The following SLC9A9 variants were observed in gnomAD, a reference collection of about 807,000 sequenced individuals.
The protein encoded by SLC9A9 is solute carrier family 9 member A9.
In SLC9A9, 62 loss-of-function variants were observed where a neutral mutation model predicts 77.8. The ratio of observed to expected loss-of-function variants is 0.80; its 90% CI spans 0.65 to 0.98. The LOEUF is 0.98. SLC9A9 is among the 50% of genes least tolerant of loss of function. The probability of loss-of-function intolerance (pLI) is 0.00; values close to 1 mark genes in which losing one functional copy is unlikely to be tolerated. For missense variants in SLC9A9, 775 were observed against 774.9 expected (o/e 1.00, Z 0.00); for synonymous variants, 320 against 283.5 (o/e 1.13, Z -1.29).
chr3:143,402,721 TC>T, intron 12 of SLC9A9, among the ~76,000 whole-genome samples: 1 of 151,672 alleles, frequency 6.6e-6, no homozygotes, highest in Admixed American at 6.6e-5. Flanking sequence ...CCATCCCCTT[TC>T]CCTTCAGGAT....
At chr3:143,658,212 C>T (rs528133403) in intron 5 of SLC9A9, among the ~76,000 whole-genome samples, 5 of 152,292 alleles carry the variant, frequency 3.3e-5, no homozygotes, top group Non-Finnish European at 7.4e-5. Context: ...AGCAAAAACT[C>T]TTTGGAGTCT....
At chr3:143,462,423 T>A (rs568093152) in intron 12 of SLC9A9, among the ~76,000 whole-genome samples, 1 of 152,328 alleles carries the variant, frequency 6.6e-6, no homozygotes, top group East Asian at 1.9e-4. Context: ...TTACTCACTC[T>A]GCAATAGACG....
intron 9 of SLC9A9, chr3:143,518,305 C>T (rs2036238490): frequency 1.1e-6 from 1 of 916,068 alleles, no homozygotes; most frequent in Non-Finnish European, 1.7e-6. Flanking sequence ...CGTGACCACG[C>T]AGAAAGGGCT....
Position 143,279,933 on chromosome 3 carries a change from C to G in SLC9A9, c.1605-10953G>C, listed in dbSNP as rs908280951. ...CTCCTGAGCTCAAGCAATCCTCCCC[C>G]CTCAGCCTCTCGAGTAGCTGGGACT... is the stretch of plus-strand genomic sequence containing the variant. On this transcript the variant is annotated intron_variant, in intron 14 of 15. Transcript: ENST00000316549. Among the ~76,000 whole-genome samples, 8 of 152,190 alleles carry G rather than the reference C, an allele frequency of 5.3e-5. No homozygotes were observed. The East Asian group carries it at 5.8e-4, about 11-fold the overall frequency.
At chr3:143,839,923 T>C (rs2009665298) in intron 1 of SLC9A9, among the ~76,000 whole-genome samples, 1 of 152,212 alleles carries the variant, frequency 6.6e-6, no homozygotes, top group Non-Finnish European at 1.5e-5. Flanking sequence ...AAGGACTCTT[T>C]AGTAAAGGGA....
At chr3:143,694,719 C>T (rs555386782) in intron 4 of SLC9A9, among the ~76,000 whole-genome samples, 7 of 152,244 alleles carry the variant, frequency 4.6e-5, no homozygotes, top group Middle Eastern at 3.4e-3. Flanking sequence ...TGGCTTTTAA[C>T]CATCACACTG....
chr3:143,835,090 A>G (rs141244195), intron 1 of SLC9A9, among the ~76,000 whole-genome samples: 18 of 152,280 alleles, frequency 1.2e-4, no homozygotes, highest in Admixed American at 2.6e-4. Flanking sequence ...CTAGAATTGC[A>G]CCACAGCCTA....
At chr3:143,536,461 A>C (rs2036589792) in intron 9 of SLC9A9, among the ~76,000 whole-genome samples, 1 of 152,256 alleles carries the variant, frequency 6.6e-6, no homozygotes, top group African/African-American at 2.4e-5. Flanking sequence ...GTATTTTACT[A>C]AGTTTAAAAT....
At chr3:143,649,804 G>T (rs1052748729) in intron 6 of SLC9A9, among the ~76,000 whole-genome samples, 4 of 152,092 alleles carry the variant, frequency 2.6e-5, no homozygotes, top group African/African-American at 9.7e-5. Flanking sequence ...ACATCAAAAT[G>T]GAAAACTTTT....
chr3:143,777,034 T>A (rs1174935406), intron 4 of SLC9A9, among the ~76,000 whole-genome samples: 1 of 152,160 alleles, frequency 6.6e-6, no homozygotes, highest in Non-Finnish European at 1.5e-5. Flanking sequence ...GATATGTTAA[T>A]TTGGATCTTA....
At chr3:143,338,466 C>A (rs547970748) in intron 14 of SLC9A9, among the ~76,000 whole-genome samples, 3 of 152,096 alleles carry the variant, frequency 2.0e-5, no homozygotes, top group African/African-American at 4.8e-5. Flanking sequence ...AAGCAGTAAG[C>A]GAGAGAGCTA....
intron 12 of SLC9A9, among the ~76,000 whole-genome samples, chr3:143,420,619 T>C (rs150233471): frequency 4.9e-4 from 75 of 152,346 alleles, no homozygotes; most frequent in African/African-American, 1.6e-3. Context: ...ATTATTATTA[T>C]GTAATATTCT....
At chr3:143,637,497 C>T (rs1254776289) in intron 6 of SLC9A9, among the ~76,000 whole-genome samples, 8 of 152,068 alleles carry the variant, frequency 5.3e-5, no homozygotes, top group Non-Finnish European at 1.0e-4. Context: ...TTTTGAATTT[C>T]TATGATTTAT....
chr3:143,588,489 TG>T (rs2037593266), intron 6 of SLC9A9, among the ~76,000 whole-genome samples: 1 of 152,244 alleles, frequency 6.6e-6, no homozygotes, highest in East Asian at 1.9e-4. Flanking sequence ...TAAGTGGCTC[TG>T]GTCCATTAAG....
chr3:143,292,546 C>T (rs1164608978), intron 14 of SLC9A9, among the ~76,000 whole-genome samples: 1 of 152,082 alleles, frequency 6.6e-6, no homozygotes, highest in African/African-American at 2.4e-5. Flanking sequence ...GTCCTCTACT[C>T]TCCTGTGTTT....
chr3:143,813,216 G>T (rs1156829212), intron 2 of SLC9A9, among the ~76,000 whole-genome samples: 1 of 152,104 alleles, frequency 6.6e-6, no homozygotes, highest in Non-Finnish European at 1.5e-5. Context: ...GGTCAATGAG[G>T]CTAAATTGGA....
At chr3:143,573,858 G>A (rs2037311428) in intron 8 of SLC9A9, among the ~76,000 whole-genome samples, 1 of 152,178 alleles carries the variant, frequency 6.6e-6, no homozygotes, top group Non-Finnish European at 1.5e-5. Flanking sequence ...CAGGAGAAGA[G>A]AGGAAAGCAT....
chr3:143,567,713 C>G (rs2037190782), intron 8 of SLC9A9, among the ~76,000 whole-genome samples: 1 of 152,146 alleles, frequency 6.6e-6, no homozygotes, highest in African/African-American at 2.4e-5. Context: ...ATCAAATGAT[C>G]ATCATCAAAT....
chr3:143,529,538 C>A (rs961275305), intron 9 of SLC9A9, among the ~76,000 whole-genome samples: 1 of 152,136 alleles, frequency 6.6e-6, no homozygotes, highest in Admixed American at 6.5e-5. Flanking sequence ...GTTTTATATA[C>A]CAGGTGAATT....
Sources: allele counts gnomAD v4.1 joint callset (sites outside exome capture counted in the v4.1 genomes callset), GRCh38; gene constraint gnomAD v4.1.1; transcripts MANE v1.5; gene names NCBI Gene and HGNC (gene_info 2026-07-23, HGNC 2026-07-21).